The following RAPH1 variants were observed in gnomAD, a reference collection of about 807,000 sequenced individuals.
RAPH1 encodes ras-associated and pleckstrin homology domains-containing protein 1.
In RAPH1, 18 loss-of-function variants were observed where a neutral mutation model predicts 88.1. That is an observed-to-expected ratio of 0.20 (90% CI 0.14 to 0.30). RAPH1 has a LOEUF of 0.30. Among genes scored for constraint, RAPH1 ranks in the 10% least tolerant of loss-of-function variants. The pLI is 1.00. For synonymous variants in RAPH1, 587 were observed against 559.0 expected (o/e 1.05, Z -0.71); for missense variants, 1,448 against 1,543.2 (o/e 0.94, Z 1.03).
At chr2:203,534,823 C>T (rs909993336) in intron 1 of RAPH1, among the ~76,000 whole-genome samples, 4 of 151,876 alleles carry the variant, frequency 2.6e-5, no homozygotes, top group Non-Finnish European at 1.5e-5. Flanking sequence ...CCGCACCCTC[C>T]CAGGCGGCCC....
chr2:203,517,359 CAAAAAAAAAAAAAAAA>C (rs71408943), intron 1 of RAPH1, among the ~76,000 whole-genome samples: 1 of 32,150 alleles, frequency 3.1e-5, no homozygotes, highest in Non-Finnish European at 6.0e-5. Context: ...CTATGAGAGG[CAAAAAAAAAAAAAAAA>C]AAAAAAAAGA....
At chr2:203,457,100 C>G (rs768687469) in intron 8 of RAPH1, among the ~76,000 whole-genome samples, 6 of 151,964 alleles carry the variant, frequency 3.9e-5, no homozygotes, top group Non-Finnish European at 8.8e-5. Context: ...AATACACAGG[C>G]TTCTTTAATT....
At chr2:203,473,921 T>C (rs772932651) in intron 4 of RAPH1, among the ~76,000 whole-genome samples, 1 of 152,206 alleles carries the variant, frequency 6.6e-6, no homozygotes, top group Non-Finnish European at 1.5e-5. Flanking sequence ...TGTGGAACCA[T>C]GCCAGCATTA....
At chr2:203,477,056 G>GGCATGTTT (rs1354495402) in intron 4 of RAPH1, 32 of 1,570,124 alleles carry the variant, frequency 2.0e-5, no homozygotes, top group Non-Finnish European at 2.6e-5. Context: ...GTCATGCCAT[G>GGCATGTTT]GCATGTTTAT....
chr2:203,506,763 T>G (rs1436975558), intron 1 of RAPH1, among the ~76,000 whole-genome samples: 1 of 128,422 alleles, frequency 7.8e-6, no homozygotes, highest in African/African-American at 3.5e-5. Context: ...TATATCTATA[T>G]ATATATCTAT....
At chr2:203,475,885 ATAT>A (rs1687408955) in intron 4 of RAPH1, among the ~76,000 whole-genome samples, 1 of 151,970 alleles carries the variant, frequency 6.6e-6, no homozygotes, top group Non-Finnish European at 1.5e-5. Context: ...TAAAACAGAT[ATAT>A]TATTTATTAT....
rs371243146 is a variant in RAPH1, at chr2:203,491,068, G to GA, written c.226+145dup. ...TCAAAAAAAAAAAAAAAAGAAAAAA[G>GA]AAAAGAAAAAAGAAATTTAAGAACT... On this transcript the variant is annotated intron_variant, in intron 3 of 13. Coordinates refer to ENST00000319170, the MANE Select transcript of RAPH1 (RefSeq NM_213589.3). 76 of 444,604 alleles carry GA rather than the reference G, an allele frequency of 1.7e-4. No individual in the cohort carries two copies. In the East Asian group the frequency reaches 2.1e-3, roughly 12 times the overall value. The allele number at this position is 444,604 out of a possible 1,614,324, so 27.5% of individuals were successfully genotyped here.
chr2:203,509,430 G>A (rs539711755), intron 1 of RAPH1, among the ~76,000 whole-genome samples: 12 of 152,114 alleles, frequency 7.9e-5, no homozygotes, highest in South Asian at 2.1e-4. Flanking sequence ...ATCAGAATTC[G>A]GTTCCAAATC....
At chr2:203,465,067 G>A (rs1055820656) in intron 4 of RAPH1, among the ~76,000 whole-genome samples, 7 of 152,202 alleles carry the variant, frequency 4.6e-5, no homozygotes, top group South Asian at 2.1e-4. Flanking sequence ...AGTCACTTTG[G>A]AAGACAGTTT....
At chr2:203,482,108 G>GT (rs2105790529) in intron 4 of RAPH1, among the ~76,000 whole-genome samples, 1 of 152,194 alleles carries the variant, frequency 6.6e-6, no homozygotes, top group Non-Finnish European at 1.5e-5. Flanking sequence ...TTTGAAATAT[G>GT]TTTGTGTGAA....
At chr2:203,484,459 C>T (rs1416578653) in intron 4 of RAPH1, among the ~76,000 whole-genome samples, 1 of 152,170 alleles carries the variant, frequency 6.6e-6, no homozygotes, top group Admixed American at 6.5e-5. Flanking sequence ...GTAGCACACG[C>T]CCTTGATGGA....
intron 1 of RAPH1, among the ~76,000 whole-genome samples, chr2:203,533,056 CAA>C (rs1284648854): frequency 1.3e-5 from 2 of 151,996 alleles, no homozygotes; most frequent in Non-Finnish European, 2.9e-5. Context: ...GCAGCAAAAC[CAA>C]AAGACATAAT....
Position 203,522,912 on chromosome 2 carries a change from A to G in RAPH1, c.-1+12199T>C, listed in dbSNP as rs1365933011. 1.9e-3 allele frequency among the ~76,000 whole-genome samples: 288 copies of G among 151,140 alleles called. 1 individual carries two copies. Among genetic ancestry groups the G allele is most frequent in the African/African-American group, 5.3e-3 (218 of 41,264 alleles). ...CTCTGTCTCAAAAAAAAAAAAAAAA[A>G]AAAAGAAAAAGAAAAGAACCTTGAA... On this transcript the variant is annotated intron_variant, in intron 1 of 13. Coordinates refer to ENST00000319170, the MANE Select transcript of RAPH1 (RefSeq NM_213589.3).
At chr2:203,482,232 C>G (rs766915598) in intron 4 of RAPH1, among the ~76,000 whole-genome samples, 3 of 152,020 alleles carry the variant, frequency 2.0e-5, no homozygotes, top group Non-Finnish European at 4.4e-5. Flanking sequence ...GTCGCCCAGG[C>G]TGGAGTACAG....
chr2:203,505,519 C>G (rs530583267), intron 1 of RAPH1, among the ~76,000 whole-genome samples: 3 of 152,192 alleles, frequency 2.0e-5, no homozygotes, highest in Non-Finnish European at 4.4e-5. Context: ...GGGGACACAG[C>G]CAAACCATAT....
rs1473473183 is a variant in RAPH1, at chr2:203,437,237, A to C, written c.*2200T>G. ...TGGGTGAAAAAAGGTTAGCGGGTACATTTTTTCCCCCTCAAGAAAAACTGA... is the reference window on the plus strand; with the variant it reads ...TGGGTGAAAAAAGGTTAGCGGGTACCTTTTTTCCCCCTCAAGAAAAACTGA... On this transcript the variant is annotated 3_prime_UTR_variant, in exon 14 of 14. Transcript: ENST00000319170. 1 of 152,140 alleles carries C rather than the reference A, an allele frequency of 6.6e-6. No individual in the cohort carries two copies. The highest frequency in any genetic ancestry group is 1.9e-4 in the East Asian group (1 of 5,200). The allele number at this position is 152,140 out of a possible 1,614,324, so 9.4% of individuals were successfully genotyped here.
intron 1 of RAPH1, among the ~76,000 whole-genome samples, chr2:203,503,145 A>AAAAC (rs547655158): frequency 1.1e-4 from 17 of 152,304 alleles, no homozygotes; most frequent in South Asian, 2.1e-4. Flanking sequence ...CTCTGTCTCA[A>AAAAC]AAACAAACAA....
intron 4 of RAPH1, among the ~76,000 whole-genome samples, chr2:203,467,809 C>G (rs980583195): frequency 2.6e-5 from 4 of 151,650 alleles, no homozygotes; most frequent in African/African-American, 4.8e-5. Flanking sequence ...ACTCTGTCAC[C>G]CAGGCTAGAG....
At chr2:203,491,828 C>T (rs951654957) in intron 2 of RAPH1, among the ~76,000 whole-genome samples, 3 of 152,138 alleles carry the variant, frequency 2.0e-5, no homozygotes, top group African/African-American at 7.2e-5. Context: ...TTTAAAGGCA[C>T]TTGAGATTGT....
Sources: gnomAD v4.1 joint callset for allele counts (sites outside exome capture counted in the v4.1 genomes callset) on GRCh38, gnomAD v4.1.1 for gene constraint, MANE v1.5 for transcripts, NCBI Gene and HGNC (gene_info 2026-07-23, HGNC 2026-07-21) for gene names.